Variants in SLC12A1 observed in about 807,000 individuals in gnomAD.
SLC12A1 encodes the protein solute carrier family 12 member 1, also known as Na-K-2Cl cotransporter.
In SLC12A1, 89 loss-of-function variants were observed where a neutral mutation model predicts 130.4. The observed-to-expected ratio is 0.68, with a 90% confidence interval of 0.58 to 0.81. The LOEUF is 0.81. SLC12A1 is among the 40% of genes least tolerant of loss of function. The pLI is 0.00. For missense variants in SLC12A1, 1,310 were observed against 1,336.4 expected (o/e 0.98, Z 0.31); for synonymous variants, 499 against 460.0 (o/e 1.08, Z -1.09).
intron 23 of SLC12A1, 118 bp downstream of exon 23, chr15:48,288,634 G>A: frequency 1.7e-6 from 1 of 592,678 alleles, no homozygotes; most frequent in East Asian, 2.8e-5. Flanking sequence ...AAGCCACCAG[G>A]ATAGGCCTCG....
intron 2 of SLC12A1, among the ~76,000 whole-genome samples, chr15:48,219,202 G>A (rs1219650934): frequency 6.6e-6 from 1 of 152,144 alleles, no homozygotes; most frequent in Non-Finnish European, 1.5e-5. Context: ...ATCATCCAGT[G>A]CATTTAAACT....
intron 5 of SLC12A1, chr15:48,228,932 T>G: frequency 3.1e-6 from 1 of 324,138 alleles, no homozygotes; most frequent in Non-Finnish European, 5.6e-6. Context: ...GCTGTGTTCT[T>G]TTTTGTAGCT....
chr15:48,267,417 G>C, intron 17 of SLC12A1, 144 bp from the exon 18 acceptor site: 2 of 830,088 alleles, frequency 2.4e-6, no homozygotes, highest in Non-Finnish European at 1.8e-6. Context: ...TGAATCTGTG[G>C]AACCCTGTTC....
chr15:48,227,243 G>A (rs2041301849), intron 5 of SLC12A1: 2 of 1,104,296 alleles, frequency 1.8e-6, no homozygotes, highest in Non-Finnish European at 2.7e-6. Flanking sequence ...ATTTACTATT[G>A]GAAGTGAAAG....
chr15:48,242,021 G>C (rs577335592), intron 10 of SLC12A1, among the ~76,000 whole-genome samples: 2 of 152,286 alleles, frequency 1.3e-5, no homozygotes, highest in Admixed American at 1.3e-4. Flanking sequence ...GAAAGATGTG[G>C]AATTTGTGAC....
At chr15:48,212,820 CA>C (rs556559277) in intron 2 of SLC12A1, among the ~76,000 whole-genome samples, 52 of 150,280 alleles carry the variant, frequency 3.5e-4, no homozygotes, top group African/African-American at 5.4e-4. Flanking sequence ...GAAACTAATC[CA>C]AAAAAAAATC....
rs185531442 is a variant in SLC12A1, at chr15:48,243,163, A to T, written c.1300+1564A>T. On this transcript the variant is annotated intron_variant, in intron 10 of 26. Transcript: ENST00000380993. ...TGGGAATTTGAGAGATCTGTTATGC[A>T]GAGGTTAAAATACATGATTCAAAGA... is the stretch of plus-strand genomic sequence containing the variant. 3.9e-3 allele frequency among the ~76,000 whole-genome samples: 593 copies of T among 152,230 alleles called. 4 individuals carry two copies. Among genetic ancestry groups the T allele is most frequent in the African/African-American group, 0.014 (580 of 41,546 alleles).
chr15:48,228,910 T>C, intron 5 of SLC12A1: 2 of 274,966 alleles, frequency 7.3e-6, no homozygotes, highest in South Asian at 1.4e-4. Context: ...CAACGCATTT[T>C]TTGTAAATTT....
At chr15:48,267,296 A>C (rs1348585566) in intron 17 of SLC12A1, among the ~76,000 whole-genome samples, 2 of 152,148 alleles carry the variant, frequency 1.3e-5, no homozygotes, top group African/African-American at 4.8e-5. Context: ...TGTTGCCCTC[A>C]ACTCTTCCTT....
At position 48,244,912 on chromosome 15, in the gene SLC12A1, G is replaced by A; in HGVS notation, c.1452+8G>A. The A allele has an allele frequency of 6.2e-7, 1 of 1,613,074 alleles. No homozygotes were observed. The highest frequency in any genetic ancestry group is 8.5e-7 in the Non-Finnish European group (1 of 1,179,454). On this transcript the variant is annotated splice_region_variant and intron_variant, in intron 11 of 26. Coordinates refer to ENST00000380993, the MANE Select transcript of SLC12A1 (RefSeq NM_000338.3). Reference sequence around the variant, plus strand: ...CTGATGAACAATTTCCAGGTTTGAAGCAAAATTCAAAAATGTTCACTGCTA... The same window carrying A: ...CTGATGAACAATTTCCAGGTTTGAAACAAAATTCAAAAATGTTCACTGCTA...
intron 15 of SLC12A1, among the ~76,000 whole-genome samples, chr15:48,254,044 C>T (rs1191315666): frequency 6.6e-6 from 1 of 151,946 alleles, no homozygotes; most frequent in Non-Finnish European, 1.5e-5. Flanking sequence ...GATGCAAATC[C>T]TTTAGTATAT....
At chr15:48,293,646 C>G (rs2042143417) in intron 24 of SLC12A1, among the ~76,000 whole-genome samples, 1 of 152,086 alleles carries the variant, frequency 6.6e-6, no homozygotes, top group Non-Finnish European at 1.5e-5. Flanking sequence ...GAAAATTATT[C>G]CAATTTAAGA....
In SLC12A1 at chr15:48,291,861, A is replaced by C; in HGVS notation, c.2957A>C (p.Glu986Ala). The change falls in exon 24 of 27, where the codon GAG becomes GCG. Residue 986 changes from glutamate to alanine, a missense_variant. Coordinates refer to ENST00000380993, the MANE Select transcript of SLC12A1 (RefSeq NM_000338.3). ...IGDINIRPNK[E>A]SWKVFEEMIE... ...GACATCAACATTAGGCCAAACAAAG[A>C]GAGGTATGAAATATTTAACAAGAGA... 1 of 1,546,244 alleles carries C rather than the reference A, an allele frequency of 6.5e-7. No individual in the cohort carries two copies. Among genetic ancestry groups the C allele is most frequent in the South Asian group, 1.2e-5 (1 of 84,172 alleles).
intron 15 of SLC12A1, among the ~76,000 whole-genome samples, chr15:48,252,067 G>T (rs1249922353): frequency 3.3e-5 from 5 of 152,058 alleles, no homozygotes; most frequent in Middle Eastern, 3.2e-3. Flanking sequence ...GCTGGGTGTG[G>T]TGGCGGGCCC....
intron 2 of SLC12A1, among the ~76,000 whole-genome samples, chr15:48,216,075 G>T (rs994578263): frequency 3.3e-5 from 5 of 152,014 alleles, no homozygotes; most frequent in Non-Finnish European, 5.9e-5. Context: ...CCCCTCTATG[G>T]TATAAATATA....
chr15:48,221,861 T>TA (rs1240373058), intron 4 of SLC12A1, among the ~76,000 whole-genome samples: 1 of 152,228 alleles, frequency 6.6e-6, no homozygotes, highest in Non-Finnish European at 1.5e-5. Flanking sequence ...TGCTTTCAGA[T>TA]AGCACTCCAG....
In SLC12A1 at chr15:48,303,295, T is replaced by G. The variant is rs2042255337; in HGVS notation, c.*410T>G. On this transcript the variant is annotated 3_prime_UTR_variant, in exon 27 of 27. Transcript: ENST00000380993. ...AGCCCCACAGCAGGATCTCAATAAATGCTTATTGACAGGCTGGCATAGTAA... is the reference window on the plus strand; with the variant it reads ...AGCCCCACAGCAGGATCTCAATAAAGGCTTATTGACAGGCTGGCATAGTAA... 6.5e-6 allele frequency: 1 copy of G among 154,428 alleles called. No homozygotes were observed. Among genetic ancestry groups the G allele is most frequent in the Admixed American group, 6.5e-5 (1 of 15,410 alleles). The allele number at this position is 154,428 out of a possible 1,614,324, so 9.6% of individuals were successfully genotyped here.
intron 25 of SLC12A1, among the ~76,000 whole-genome samples, chr15:48,300,157 C>T (rs1224563335): frequency 1.3e-5 from 2 of 151,962 alleles, no homozygotes; most frequent in African/African-American, 4.8e-5. Context: ...CAGAGCAAAA[C>T]CCCACCTCTA....
At chr15:48,266,949 C>A (rs1431194242) in intron 17 of SLC12A1, among the ~76,000 whole-genome samples, 3 of 152,174 alleles carry the variant, frequency 2.0e-5, no homozygotes, top group Non-Finnish European at 2.9e-5. Context: ...GTACGTAAAC[C>A]TTTGTTCCCA....
Sources: gnomAD v4.1 joint callset for allele counts (sites outside exome capture counted in the v4.1 genomes callset) on GRCh38, gnomAD v4.1.1 for gene constraint, MANE v1.5 for transcripts, NCBI Gene and HGNC (gene_info 2026-07-23, HGNC 2026-07-21) for gene names.